Variants in SNTA1 observed in about 807,000 individuals in gnomAD.
SNTA1 encodes the protein alpha-1-syntrophin.
SNTA1 carries 31 observed loss-of-function variants against 47.1 expected under a neutral mutation model. That is an observed-to-expected ratio of 0.66 (90% CI 0.49 to 0.89). SNTA1 has a LOEUF of 0.89. Ranked by LOEUF, SNTA1 falls within the 40% of genes least tolerant of loss-of-function variation. SNTA1 has a pLI of 0.00. For missense variants in SNTA1, 575 were observed against 693.0 expected, an observed-to-expected ratio of 0.83 and a Z score of 1.91; for synonymous variants, 300 against 313.6, an observed-to-expected ratio of 0.96 and a Z score of 0.46.
chr20:33,419,425 G>A (rs921560130), intron 2 of SNTA1, among the ~76,000 whole-genome samples: 1 of 152,216 alleles, frequency 6.6e-6, no homozygotes, highest in Non-Finnish European at 1.5e-5. Context: ...CAAAGCAAAT[G>A]GAGGCAAATA....
chr20:33,424,012 C>T (rs1291145595), intron 2 of SNTA1, among the ~76,000 whole-genome samples: 1 of 150,994 alleles, frequency 6.6e-6, no homozygotes, highest in Non-Finnish European at 1.5e-5. Flanking sequence ...GGTATCCTCA[C>T]CATCAAGAAT....
intron 2 of SNTA1, among the ~76,000 whole-genome samples, chr20:33,420,122 C>A (rs1989984999): frequency 6.6e-6 from 1 of 152,036 alleles, no homozygotes; most frequent in African/African-American, 2.4e-5. Context: ...TGGGGTTTCG[C>A]CATGTTGGCC....
rs559396761 is a variant in SNTA1 at position 33,417,728 on chromosome 20, G to A, written c.692C>T (p.Pro231Leu). Residue 231 changes from proline (P) to leucine (L), a missense_variant, in exon 3 of 8, where the codon CCG becomes CTG. Transcript: ENST00000217381. Reference protein sequence around the residue: ...YVSKRCTPNDPEPRYLEICSA... With the variant: ...YVSKRCTPNDLEPRYLEICSA... ...CCAACCCCAGCCTTACCTGGGCTCC[G>A]GGTCATTGGGGGTGCACCTCTTCGA... The A allele has an allele frequency of 2.0e-5, 32 of 1,613,534 alleles. No individual in the cohort carries two copies. The highest frequency in any genetic ancestry group is 8.0e-5 in the African/African-American group (6 of 74,984).
chr20:33,410,386 T>C, intron 5 of SNTA1, 55 bp from the exon 6 acceptor site: 1 of 1,236,058 alleles, frequency 8.1e-7, no homozygotes, highest in Non-Finnish European at 1.2e-6. Flanking sequence ...AGGCAAATAG[T>C]TCTGGGCAAA....
intron 2 of SNTA1, among the ~76,000 whole-genome samples, chr20:33,434,423 G>GTTT (rs1165287800): frequency 6.6e-6 from 1 of 152,104 alleles, no homozygotes; most frequent in Non-Finnish European, 1.5e-5. Context: ...CTTCAACTAA[G>GTTT]GAAAAGTGGG....
chr20:33,428,297 T>C (rs1990213258), intron 2 of SNTA1, among the ~76,000 whole-genome samples: 2 of 152,116 alleles, frequency 1.3e-5, no homozygotes, highest in Admixed American at 6.6e-5. Context: ...TAGTCCCAGC[T>C]ATTCAGGAGG....
chr20:33,410,006 T>C, intron 6 of SNTA1, 129 bp downstream of exon 6: 1 of 884,598 alleles, frequency 1.1e-6, no homozygotes, highest in Non-Finnish European at 1.9e-6. Context: ...CCTCAGGTGA[T>C]CCACCCACCT....
chr20:33,412,234 G>C, intron 5 of SNTA1, 62 bp downstream of exon 5: 1 of 1,558,378 alleles, frequency 6.4e-7, no homozygotes, highest in African/African-American at 1.3e-5. Flanking sequence ...AGCTTCTGGG[G>C]CCCTGCTGGA....
intron 6 of SNTA1, 43 bp from the exon 7 acceptor site, chr20:33,408,931 G>C (rs1989667951): frequency 8.9e-6 from 14 of 1,568,768 alleles, no homozygotes; most frequent in Non-Finnish European, 1.2e-5. Context: ...TGGCACCTCA[G>C]AGACTACACC....
rs761196972 is a variant in SNTA1 at position 33,408,493 on chromosome 20, G to A, written c.*14C>T. On this transcript the variant is annotated 3_prime_UTR_variant, in exon 8 of 8. Transcript: ENST00000217381. ...ATGGACACCCCTCTTCAGGGCTAGT[G>A]CATCCGGCGACTTCTAGGCCAACAG... The A allele has an allele frequency of 5.9e-5, 93 of 1,589,594 alleles. No homozygotes were observed. The highest frequency in any genetic ancestry group is 7.3e-5 in the Non-Finnish European group (84 of 1,157,742).
chr20:33,419,884 T>G (rs1262611857), intron 2 of SNTA1, among the ~76,000 whole-genome samples: 2 of 152,118 alleles, frequency 1.3e-5, no homozygotes, highest in African/African-American at 4.8e-5. Flanking sequence ...TCAAAGTTGC[T>G]GGGAGGGAGC....
chr20:33,412,922 G>C, intron 3 of SNTA1, 140 bp from the exon 4 acceptor site: 1 of 690,222 alleles, frequency 1.4e-6, no homozygotes, highest in Non-Finnish European at 2.6e-6. Context: ...AACCCTCACT[G>C]CTGGGCTCCA....
chr20:33,433,270 C>T (rs291681), intron 2 of SNTA1, among the ~76,000 whole-genome samples: 88,961 of 143,860 alleles, frequency 0.62, 27,924 homozygotes, highest in South Asian at 0.69. Flanking sequence ...TTTCTTTTTT[C>T]TTTTTTTTTT....
At chr20:33,426,294 C>CA (rs1203703527) in intron 2 of SNTA1, among the ~76,000 whole-genome samples, 2 of 142,312 alleles carry the variant, frequency 1.4e-5, no homozygotes, top group Admixed American at 7.1e-5. Flanking sequence ...ACTAAAAATA[C>CA]AAAAAAATTA....
intron 3 of SNTA1, 29 bp from the exon 4 acceptor site, chr20:33,412,811 A>T (rs1456920473): frequency 1.3e-6 from 2 of 1,516,108 alleles, no homozygotes; most frequent in African/African-American, 1.4e-5. Flanking sequence ...GGAGACAAGG[A>T]CCTGACCATT....
At chr20:33,432,237 G>A (rs552228373) in intron 2 of SNTA1, among the ~76,000 whole-genome samples, 2 of 152,186 alleles carry the variant, frequency 1.3e-5, no homozygotes, top group Non-Finnish European at 2.9e-5. Context: ...TTTTGACAGT[G>A]GTGATGCATC....
intron 2 of SNTA1, among the ~76,000 whole-genome samples, chr20:33,419,422 A>C (rs1474556944): frequency 6.6e-6 from 1 of 152,170 alleles, no homozygotes. Flanking sequence ...ATTCAAAGCA[A>C]ATGGAGGCAA....
rs1344550646 is a variant in SNTA1 at position 33,427,773 on chromosome 20, A to G, written c.497-9850T>C. Among the ~76,000 whole-genome samples the G allele has an allele frequency of 5.9e-5, 9 of 152,120 alleles. No individual in the cohort carries two copies. The East Asian group carries it at 1.7e-3, about 29-fold the overall frequency. On this transcript the variant is annotated intron_variant, in intron 2 of 7. Transcript: ENST00000217381. ...AATATTCATGAATAGGGGCTGCTAA[A>G]AACAAGATGTGAACTCCCTGACTGG...
intron 3 of SNTA1, among the ~76,000 whole-genome samples, chr20:33,416,176 A>T (rs561099632): frequency 3.9e-5 from 6 of 152,204 alleles, no homozygotes; most frequent in Non-Finnish European, 5.9e-5. Context: ...TTTTTGCCTC[A>T]TGGGGGCAGG....
Sources: gnomAD v4.1 joint callset for allele counts (sites outside exome capture counted in the v4.1 genomes callset) on GRCh38, gnomAD v4.1.1 for gene constraint, MANE v1.5 for transcripts, NCBI Gene and HGNC (gene_info 2026-07-23, HGNC 2026-07-21) for gene names.